Variants in BIN2 observed in about 807,000 individuals in gnomAD.
BIN2 encodes breast cancer associated protein BRAP1.
BIN2 carries 43 observed loss-of-function variants against 67.9 expected under a neutral mutation model. That is an observed-to-expected ratio of 0.63 (90% CI 0.50 to 0.82). The LOEUF (loss-of-function observed/expected upper bound fraction) is 0.82. Among genes scored for constraint, BIN2 ranks in the 40% least tolerant of loss-of-function variants. The pLI is 0.00. For synonymous variants in BIN2, 244 were observed against 246.8 expected, an observed-to-expected ratio of 0.99 and a Z score of 0.11; for missense variants, 581 against 671.6, an observed-to-expected ratio of 0.87 and a Z score of 1.49.
At chr12:51,321,930 G>A (rs4762042) in intron 1 of BIN2, among the ~76,000 whole-genome samples, 1 of 152,016 alleles carries the variant, frequency 6.6e-6, no homozygotes, top group African/African-American at 2.4e-5. Flanking sequence ...TCAGGCTGAC[G>A]GAGCTGAGCT....
At chr12:51,307,759 A>T (rs1463765697) in intron 2 of BIN2, among the ~76,000 whole-genome samples, 35 of 152,056 alleles carry the variant, frequency 2.3e-4, no homozygotes, top group Non-Finnish European at 7.4e-5. Flanking sequence ...AAAGTTCCTA[A>T]TTTTTTCCCA....
chr12:51,312,508 TAGAC>T (rs2137427619), intron 2 of BIN2, among the ~76,000 whole-genome samples: 1 of 152,322 alleles, frequency 6.6e-6, no homozygotes, highest in East Asian at 1.9e-4. Context: ...CTTTTTCTCT[TAGAC>T]AGCCTCCCTC....
intron 11 of BIN2, among the ~76,000 whole-genome samples, chr12:51,286,695 C>T (rs1000247542): frequency 6.6e-6 from 1 of 152,320 alleles, no homozygotes; most frequent in South Asian, 2.1e-4. Context: ...TGAGAAGTGG[C>T]TATGCTTACC....
In BIN2 at chr12:51,295,782, T is replaced by C; in HGVS notation, c.761+14A>G. The C allele has an allele frequency of 6.2e-7, 1 of 1,611,248 alleles. No homozygotes were observed. On this transcript the variant is annotated intron_variant, in intron 9 of 12. Coordinates refer to ENST00000615107, the MANE Select transcript of BIN2 (RefSeq NM_016293.4). ...CAGGACAAGCGAAGCAAAAAAGTCTTGGATGCTGCTCACCTTGACAGTCCC... is the reference window on the plus strand; with the variant it reads ...CAGGACAAGCGAAGCAAAAAAGTCTCGGATGCTGCTCACCTTGACAGTCCC...
At chr12:51,294,780 CCTTT>C (rs1482594976) in intron 9 of BIN2, among the ~76,000 whole-genome samples, 1 of 151,956 alleles carries the variant, frequency 6.6e-6, no homozygotes, top group Non-Finnish European at 1.5e-5. Context: ...ATAGCGGTTA[CCTTT>C]AGTGGGGTCA....
chr12:51,294,582 A>C lies in BIN2; in HGVS notation c.761+1214T>G, dbSNP rs1471273903. ...ACCCTGTCTCAAAAAAAAAAAAAAC[A>C]AAAAAAACCCCCCAAAAACATGCAA... On this transcript the variant is annotated intron_variant, in intron 9 of 12. Transcript: ENST00000615107. 8.0e-5 allele frequency among the ~76,000 whole-genome samples: 12 copies of C among 150,682 alleles called. No individual in the cohort carries two copies. In the South Asian group the frequency reaches 1.3e-3, roughly 16 times the overall value.
intron 11 of BIN2, among the ~76,000 whole-genome samples, chr12:51,287,145 A>C (rs951733327): frequency 6.7e-6 from 1 of 149,898 alleles, no homozygotes; most frequent in Non-Finnish European, 1.5e-5. Flanking sequence ...CTTTTTATTA[A>C]ATTTTTTTTA....
chr12:51,304,043 G>C (rs908318587), intron 2 of BIN2: 1 of 152,320 alleles, frequency 6.6e-6, no homozygotes, highest in Middle Eastern at 3.4e-3. Flanking sequence ...ACAGGAGTTC[G>C]AGACCAGCCT....
At chr12:51,288,805 C>T (rs1279052596) in intron 10 of BIN2, among the ~76,000 whole-genome samples, 2 of 150,350 alleles carry the variant, frequency 1.3e-5, no homozygotes, top group Non-Finnish European at 1.5e-5. Context: ...TGGAGTGCAA[C>T]GTGGCACAAT....
At chr12:51,284,641 TG>T in intron 12 of BIN2, 74 bp downstream of exon 12, 1 of 1,162,302 alleles carries the variant, frequency 8.6e-7, no homozygotes, top group Non-Finnish European at 1.3e-6. Context: ...TTGTAGCCTG[TG>T]GTGAAGATTC....
intron 1 of BIN2, among the ~76,000 whole-genome samples, chr12:51,318,011 A>C (rs1946177294): frequency 6.6e-6 from 1 of 152,132 alleles, no homozygotes; most frequent in Non-Finnish European, 1.5e-5. Flanking sequence ...AAAGAAAAAG[A>C]AAAAAGAAAT....
In BIN2 at chr12:51,292,087, C is replaced by T; in HGVS notation, c.1019G>A (p.Cys340Tyr). The T allele has an allele frequency of 1.2e-6, 2 of 1,614,158 alleles. No homozygotes were observed. Among genetic ancestry groups the T allele is most frequent in the Non-Finnish European group, 1.7e-6 (2 of 1,180,024 alleles). Residue 340 changes from cysteine (C) to tyrosine (Y), a missense_variant, in exon 10 of 13, where the codon TGC (cysteine) becomes TAC (tyrosine). Cys to Tyr is a radical substitution (Grantham distance 194). Coordinates refer to ENST00000615107, the MANE Select transcript of BIN2 (RefSeq NM_016293.4). ...SSEEDEPLPA[C>Y]NGPAQAQPSP... is the part of the protein sequence containing the mutation. ...GGGCTGGGCCTGGGCGGGGCCATTG[C>T]AGGCTGGTAGAGGCTCATCTTCCTC...
chr12:51,297,553 C>T (rs1457184007), intron 7 of BIN2, among the ~76,000 whole-genome samples: 3 of 151,924 alleles, frequency 2.0e-5, no homozygotes, highest in African/African-American at 4.8e-5. Flanking sequence ...GGCGACAGAG[C>T]GAGACTCTAT....
At chr12:51,312,024 G>A (rs57484374) in intron 2 of BIN2, among the ~76,000 whole-genome samples, 19,774 of 152,078 alleles carry the variant, frequency 0.13, 1,424 homozygotes, top group East Asian at 0.24. Context: ...TGCCCGCCTC[G>A]GCCTCCCAAA....
At chr12:51,318,262 C>CTTT (rs1267935737) in intron 1 of BIN2, among the ~76,000 whole-genome samples, 1 of 131,808 alleles carries the variant, frequency 7.6e-6, no homozygotes, top group Non-Finnish European at 1.6e-5. Context: ...TATCTCCATT[C>CTTT]TTTTTTTTTT....
rs764653272 is a variant in BIN2, at chr12:51,299,610, G to C, written c.513C>G (p.Ala171=). ...NAKKKDEAKT[A]KAEEEFNKAQ... is the part of the protein sequence containing the mutation. Reference sequence around the variant, plus strand: ...TTTGTTGTTGTTTTTGTTTTACCTTGGCAGTCTTGGCCTCATCTTTCTTCT... The same window carrying C: ...TTTGTTGTTGTTTTTGTTTTACCTTCGCAGTCTTGGCCTCATCTTTCTTCT... The change falls in exon 6 of 13, where the codon GCC becomes GCG. Residue 171 remains alanine (A), a synonymous_variant. Coordinates refer to ENST00000615107, the MANE Select transcript of BIN2 (RefSeq NM_016293.4). 6.2e-7 allele frequency: 1 copy of C among 1,613,544 alleles called. No individual in the cohort carries two copies. The highest frequency in any genetic ancestry group is 1.1e-5 in the South Asian group (1 of 91,074).
At chr12:51,283,129 C>T (rs1341727693) in intron 12 of BIN2, among the ~76,000 whole-genome samples, 3 of 151,158 alleles carry the variant, frequency 2.0e-5, no homozygotes, top group East Asian at 2.0e-4. Context: ...GTGGCGCCAC[C>T]GCCTGTAATC....
chr12:51,319,862 AT>A (rs1946221717), intron 1 of BIN2, among the ~76,000 whole-genome samples: 1 of 152,110 alleles, frequency 6.6e-6, no homozygotes, highest in Non-Finnish European at 1.5e-5. Flanking sequence ...AATTGGGGTA[AT>A]TTGCATAGGG....
At position 51,284,708 on chromosome 12, in the gene BIN2, G is replaced by A; in HGVS notation, c.1668+8C>T. 1 of 1,595,028 alleles carries A rather than the reference G, an allele frequency of 6.3e-7. No homozygotes were observed. Among genetic ancestry groups the A allele is most frequent in the Non-Finnish European group, 8.6e-7 (1 of 1,162,884 alleles). On this transcript the variant is annotated splice_region_variant and intron_variant, in intron 12 of 12. Transcript: ENST00000615107. ...TGCCCAATCTATTCTCTGTATATCT[G>A]GTCTTACCTCTTCTTGAGGTTCAGG...
Sources: allele counts gnomAD v4.1 joint callset (sites outside exome capture counted in the v4.1 genomes callset), GRCh38; gene constraint gnomAD v4.1.1; transcripts MANE v1.5; gene names NCBI Gene and HGNC (gene_info 2026-07-23, HGNC 2026-07-21).